Variants in SMC2 observed in about 807,000 individuals in gnomAD.
SMC2 encodes the protein structural maintenance of chromosomes 2.
SMC2 carries 41 observed loss-of-function variants against 142.6 expected under a neutral mutation model. That is an observed-to-expected ratio of 0.29 (90% CI 0.22 to 0.37). The LOEUF is 0.37. Among genes scored for constraint, SMC2 ranks in the 10% least tolerant of loss-of-function variants. SMC2 has a pLI of 1.00. For missense variants in SMC2, 1,265 were observed against 1,373.7 expected (o/e 0.92, Z 1.25); for synonymous variants, 463 against 457.5 (o/e 1.01, Z -0.15).
At chr9:104,102,356 T>C (rs1285025056) in intron 8 of SMC2, 68 bp from the exon 9 acceptor site, 2 of 1,411,126 alleles carry the variant, frequency 1.4e-6, no homozygotes, top group Non-Finnish European at 1.9e-6. Context: ...GATACAGAAC[T>C]CATACAATAA....
intron 9 of SMC2, 124 bp downstream of exon 9, chr9:104,102,697 G>A (rs1179503186): frequency 6.9e-6 from 7 of 1,017,372 alleles, no homozygotes; most frequent in Non-Finnish European, 9.5e-6. Flanking sequence ...AGTTGTTTGG[G>A]CTGTGGTTAC....
intron 11 of SMC2, 41 bp downstream of exon 11, chr9:104,113,516 A>G (rs1832726146): frequency 6.8e-7 from 1 of 1,476,100 alleles, no homozygotes; most frequent in Non-Finnish European, 9.1e-7. Flanking sequence ...ATGAGGAGGT[A>G]GTGATTTTTG....
At position 104,118,822 on chromosome 9, in the gene SMC2, T is replaced by C. The variant is rs193153460; in HGVS notation, c.1996+447T>C. Among the ~76,000 whole-genome samples the C allele has an allele frequency of 2.6e-5, 4 of 152,296 alleles. No individual in the cohort carries two copies. In the East Asian group the frequency reaches 7.7e-4, roughly 29 times the overall value. On this transcript the variant is annotated intron_variant, in intron 15 of 24. Transcript: ENST00000374793. Reference sequence around the variant, plus strand: ...CATTTCAAGAGCCCATAATCACAAATGGTTAATGGATAATTCGACAATGCA... The same window carrying C: ...CATTTCAAGAGCCCATAATCACAAACGGTTAATGGATAATTCGACAATGCA...
chr9:104,135,093 A>G (rs1835388372), intron 23 of SMC2, among the ~76,000 whole-genome samples: 1 of 152,166 alleles, frequency 6.6e-6, no homozygotes, highest in Non-Finnish European at 1.5e-5. Flanking sequence ...AACAAAGGCC[A>G]GTGTTCTTTA....
intron 16 of SMC2, among the ~76,000 whole-genome samples, chr9:104,122,478 T>A (rs1285707938): frequency 6.6e-6 from 1 of 151,916 alleles, no homozygotes; most frequent in African/African-American, 2.4e-5. Context: ...TTGTTTTTTT[T>A]TTTTCCTCAG....
chr9:104,136,422 T>C (rs1835531859), intron 23 of SMC2, among the ~76,000 whole-genome samples: 1 of 152,162 alleles, frequency 6.6e-6, no homozygotes, highest in Non-Finnish European at 1.5e-5. Flanking sequence ...TAGTTCCCAA[T>C]ATCTTTAGCT....
chr9:104,124,172 A>G (rs1469076675), intron 17 of SMC2, among the ~76,000 whole-genome samples: 1 of 152,042 alleles, frequency 6.6e-6, no homozygotes, highest in Non-Finnish European at 1.5e-5. Flanking sequence ...GCTCACTGCA[A>G]CCTCCACCTC....
In SMC2 at chr9:104,095,569, C is replaced by T. The variant is rs762398335; in HGVS notation, c.168+17C>T. 5 of 1,600,228 alleles carry T rather than the reference C, an allele frequency of 3.1e-6. No individual in the cohort carries two copies. Among genetic ancestry groups the T allele is most frequent in the Non-Finnish European group, 4.3e-6 (5 of 1,169,180 alleles). ...CTGTCTCAGGTAAAGTGTAAACTTT[C>T]TGATTTATTTGAATTTAAGTTGGCA... On this transcript the variant is annotated intron_variant, in intron 2 of 24. Transcript: ENST00000374793.
chr9:104,105,548 G>A (rs1831664221), intron 9 of SMC2, among the ~76,000 whole-genome samples: 2 of 152,102 alleles, frequency 1.3e-5, no homozygotes, highest in African/African-American at 4.8e-5. Flanking sequence ...AACTGTTCAT[G>A]AAGCTCCTAC....
rs374570493 is a variant in SMC2 at position 104,118,357 on chromosome 9, C to T, written c.1978C>T (p.His660Tyr). 1.3e-5 allele frequency: 21 copies of T among 1,612,894 alleles called. No individual in the cohort carries two copies. Among genetic ancestry groups the T allele is most frequent in the Non-Finnish European group, 1.5e-5 (18 of 1,179,362 alleles). Residue 660 changes from histidine to tyrosine, a missense_variant, in exon 15 of 25, where the codon CAT becomes TAT. By Grantham distance (83) the His-to-Tyr change is moderately conservative. Around this residue, in one of 4 missense-constraint regions of SMC2, gnomAD observed 898 missense variants for 904.2 expected, o/e 0.99. Transcript: ENST00000374793. ...TCTCGGAGGTGATGTGTTTGATCCTCATGGGACATTGAGTGGAGGTAAGTT... is the reference window on the plus strand; with the variant it reads ...TCTCGGAGGTGATGTGTTTGATCCTTATGGGACATTGAGTGGAGGTAAGTT... ...VTLGGDVFDPHGTLSGGARSQ... is the reference protein window; with the variant it reads ...VTLGGDVFDPYGTLSGGARSQ...
In SMC2 at chr9:104,095,408, A is replaced by G. The variant is rs1251046121; in HGVS notation, c.24A>G (p.Leu8=). ...AAATGCATATTAAGTCAATTATTCT[A>G]GAGGGATTCAAGTCCTATGCTCAGA... MHIKSII[L]EGFKSYAQRT... is the part of the protein sequence containing the mutation. Residue 8 remains leucine, a synonymous_variant, in exon 2 of 25, where the codon CTA becomes CTG. Coordinates refer to ENST00000374793, the MANE Select transcript of SMC2 (RefSeq NM_006444.3). 6.2e-7 allele frequency: 1 copy of G among 1,613,352 alleles called. No homozygotes were observed. The highest frequency in any genetic ancestry group is 8.5e-7 in the Non-Finnish European group (1 of 1,179,992).
chr9:104,096,574 C>A (rs1261940882), intron 3 of SMC2, among the ~76,000 whole-genome samples: 1 of 152,202 alleles, frequency 6.6e-6, no homozygotes, highest in African/African-American at 2.4e-5. Context: ...TTTGGTTGTT[C>A]TTGAACACCT....
rs1050432487 is a variant in SMC2 at position 104,133,235 on chromosome 9, C to T, written c.3108+1110C>T. On this transcript the variant is annotated intron_variant, in intron 22 of 24. Coordinates refer to ENST00000374793, the MANE Select transcript of SMC2 (RefSeq NM_006444.3). ...AACTCATTTTCTGTGTAGCATAGGG[C>T]TGTATTCTTCTCTGTCCATTCTCTT... 2.6e-5 allele frequency among the ~76,000 whole-genome samples: 4 copies of T among 151,994 alleles called. No homozygotes were observed. In the East Asian group the frequency reaches 5.8e-4, roughly 22 times the overall value.
chr9:104,138,867 A>G (rs1293272606), intron 24 of SMC2, among the ~76,000 whole-genome samples: 1 of 152,152 alleles, frequency 6.6e-6, no homozygotes, highest in Non-Finnish European at 1.5e-5. Context: ...TCACTAGAGC[A>G]GCTTTAGTTA....
In SMC2 at chr9:104,124,280, T is replaced by TTTTATCATG. The variant is rs1307161787; in HGVS notation, c.2258-629_2258-621dup. Reference sequence around the variant, plus strand: ...TTTTGTATTTTTAGTAGAGATGAGGTTTTATCATGTTGGTCAGGATGGTCT... The same window carrying TTTTATCATG: ...TTTTGTATTTTTAGTAGAGATGAGGTTTTATCATGTTTATCATGTTGGTCAGGATGGTCT... On this transcript the variant is annotated intron_variant, in intron 17 of 24. Coordinates refer to ENST00000374793, the MANE Select transcript of SMC2 (RefSeq NM_006444.3). Among the ~76,000 whole-genome samples, 6 of 115,946 alleles carry TTTTATCATG rather than the reference T, an allele frequency of 5.2e-5. No homozygotes were observed. The East Asian group carries it at 1.2e-3, about 23-fold the overall frequency. 76.1% of individuals were successfully genotyped at this position (115,946 alleles called of 152,430 possible). A position where few individuals can be genotyped will look rare whatever the true frequency, so the allele number is the denominator to read the frequency against.
intron 16 of SMC2, among the ~76,000 whole-genome samples, chr9:104,121,720 CTAAA>C (rs1833759500): frequency 6.6e-6 from 1 of 152,104 alleles, no homozygotes; most frequent in South Asian, 2.1e-4. Context: ...TTTGAGGACA[CTAAA>C]TATGAGCAAG....
chr9:104,100,302 T>C, intron 6 of SMC2, 87 bp from the exon 7 acceptor site: 1 of 1,400,164 alleles, frequency 7.1e-7, no homozygotes, highest in Non-Finnish European at 9.9e-7. Context: ...TGGTTCAGTT[T>C]TCCATAGTCA....
chr9:104,100,366 A>G (rs1190225903), intron 6 of SMC2, 23 bp from the exon 7 acceptor site: 2 of 1,516,030 alleles, frequency 1.3e-6, no homozygotes, highest in East Asian at 2.3e-5. Flanking sequence ...ATGCGAAAAT[A>G]CTGATTTTTC....
chr9:104,132,539 C>T (rs999959268), intron 22 of SMC2, among the ~76,000 whole-genome samples: 9 of 152,152 alleles, frequency 5.9e-5, no homozygotes, highest in Admixed American at 5.2e-4. Flanking sequence ...TTTACTATAG[C>T]GGAAGATTCT....
Sources: gnomAD v4.1 joint callset for allele counts (sites outside exome capture counted in the v4.1 genomes callset) on GRCh38, gnomAD v4.1.1 for gene constraint, gnomAD v4.1.1 regional missense constraint, MANE v1.5 for transcripts, NCBI Gene and HGNC (gene_info 2026-07-23, HGNC 2026-07-21) for gene names.